Variants in PLXND1 observed in about 807,000 individuals in gnomAD.
PLXND1 encodes plexin-D1.
In PLXND1, 54 loss-of-function variants were observed where a neutral mutation model predicts 197.7. The observed-to-expected ratio is 0.27, with a 90% CI of 0.22 to 0.34. The LOEUF (loss-of-function observed/expected upper bound fraction) is 0.34. Among genes scored for constraint, PLXND1 ranks in the 10% least tolerant of loss-of-function variants. PLXND1 has a pLI of 1.00. For synonymous variants in PLXND1, 1,180 were observed against 1,161.2 expected (o/e 1.02, Z -0.33); for missense variants, 2,127 against 2,699.2 (o/e 0.79, Z 4.70).
chr3:129,561,102 C>T (rs749670359), intron 29 of PLXND1: 30 of 471,724 alleles, frequency 6.4e-5, no homozygotes, highest in Non-Finnish European at 1.1e-4. Context: ...GATGCAGCCA[C>T]GGGGGAGGAG....
intron 8 of PLXND1, among the ~76,000 whole-genome samples, chr3:129,580,220 G>C (rs972830648): frequency 6.8e-6 from 1 of 147,022 alleles, no homozygotes; most frequent in East Asian, 2.2e-4. Flanking sequence ...GACAGGGTCT[G>C]GTGCAGACCT....
intron 27 of PLXND1, among the ~76,000 whole-genome samples, chr3:129,562,239 G>A (rs1424556761): frequency 1.3e-5 from 2 of 151,228 alleles, no homozygotes; most frequent in African/African-American, 2.4e-5. Context: ...CAGGCCCCGC[G>A]CGGTGGCTCA....
rs774479341 is a variant in PLXND1 at position 129,557,727 on chromosome 3, G to A, written c.5446-504C>T. The stretch of plus-strand genomic sequence containing the variant: ...TCGGAGGCAGTACGTGAGTAGTAGT[G>A]GAGCGATGGCATTTTCTCCTTCCCG... On this transcript the variant is annotated intron_variant, in intron 33 of 35. Coordinates refer to ENST00000324093, the MANE Select transcript of PLXND1 (RefSeq NM_015103.3). This position sits in a 1 kb window ranked among gnomAD's most constrained non-coding sequence, Gnocchi z 4.8. Among the ~76,000 whole-genome samples, 6 of 152,198 alleles carry A rather than the reference G, an allele frequency of 3.9e-5. No individual in the cohort carries two copies. The highest frequency in any genetic ancestry group is 5.9e-5 in the Non-Finnish European group (4 of 68,032).
Position 129,572,921 on chromosome 3 carries a change from G to A in PLXND1, c.2858C>T (p.Pro953Leu). 6.2e-7 allele frequency: 1 copy of A among 1,613,468 alleles called. No homozygotes were observed. Reference sequence around the variant, plus strand: ...CACACCTGAGAGTGGTCCTGGGGCTGGCCCTGTGACACACACGATCCTGAG... The same window carrying A: ...CACACCTGAGAGTGGTCCTGGGGCTAGCCCTGTGACACACACGATCCTGAG... Reference protein sequence around the residue: ...VSEEIVCVTGPAPGPLSGVVT... With the variant: ...VSEEIVCVTGLAPGPLSGVVT... Residue 953 changes from proline (P) to leucine (L), a missense_variant, in exon 14 of 36, where the codon CCA becomes CTA. Physicochemically the swap from Pro to Leu is moderately conservative, Grantham distance 98. Coordinates refer to ENST00000324093, the MANE Select transcript of PLXND1 (RefSeq NM_015103.3).
At chr3:129,576,252 C>T (rs937179747) in intron 9 of PLXND1, among the ~76,000 whole-genome samples, 11 of 152,352 alleles carry the variant, frequency 7.2e-5, no homozygotes, top group Middle Eastern at 3.4e-3. Context: ...ACGCCCAACA[C>T]GGCCAGACTC....
chr3:129,602,357 C>G (rs1232045909), intron 1 of PLXND1, among the ~76,000 whole-genome samples: 1 of 152,228 alleles, frequency 6.6e-6, no homozygotes, highest in African/African-American at 2.4e-5. Flanking sequence ...AGCCTGCTCA[C>G]AGCCTTCGCA....
intron 1 of PLXND1, among the ~76,000 whole-genome samples, chr3:129,596,487 A>G (rs781214449): frequency 1.3e-5 from 2 of 152,048 alleles, no homozygotes; most frequent in African/African-American, 2.4e-5. Flanking sequence ...TGGGTCCCAG[A>G]GGAGCACAGT....
chr3:129,600,959 C>T (rs934184471), intron 1 of PLXND1, among the ~76,000 whole-genome samples: 34 of 151,968 alleles, frequency 2.2e-4, no homozygotes, highest in African/African-American at 7.7e-4. Context: ...ATTGGCCTGT[C>T]GGTATTCCTT....
intron 25 of PLXND1, among the ~76,000 whole-genome samples, chr3:129,564,417 G>A (rs984971173): frequency 2.0e-5 from 3 of 152,252 alleles, no homozygotes; most frequent in African/African-American, 4.8e-5. Context: ...AGGCCAAAGC[G>A]GGAGGATTGC....
intron 17 of PLXND1, 25 bp downstream of exon 17, chr3:129,571,483 AC>A: frequency 6.2e-7 from 1 of 1,600,814 alleles, no homozygotes; most frequent in East Asian, 2.2e-5. Context: ...ACCCCCTCCC[AC>A]CCATCAGGCC....
rs1197403884 is a variant in PLXND1 at position 129,562,955 on chromosome 3, G to A, written c.4669-12C>T. 2.5e-6 allele frequency: 4 copies of A among 1,602,738 alleles called. No individual in the cohort carries two copies. The highest frequency in any genetic ancestry group is 2.2e-5 in the East Asian group (1 of 44,504). ...GACACGTTCAGGTTCTGCAGGGGGA[G>A]AGTGGGAGAGAAAGGTCAGTGAGTT... On this transcript the variant is annotated splice_polypyrimidine_tract_variant and intron_variant, in intron 26 of 35. Coordinates refer to ENST00000324093, the MANE Select transcript of PLXND1 (RefSeq NM_015103.3).
At position 129,560,682 on chromosome 3, in the gene PLXND1, C is replaced by T. The variant is rs746385828; in HGVS notation, c.5028+7G>A. On this transcript the variant is annotated splice_region_variant and intron_variant, in intron 30 of 35. Transcript: ENST00000324093. ...TGGATCCCCCGGGGCCGAGGTTGGG[C>T]ACTCACCAAATGGAAATACTTCTCT... The T allele has an allele frequency of 7.5e-6, 12 of 1,601,624 alleles. No individual in the cohort carries two copies. Among genetic ancestry groups the T allele is most frequent in the Non-Finnish European group, 1.0e-5 (12 of 1,168,742 alleles).
rs1479465530 is a variant in PLXND1, at chr3:129,605,311, G to A, written c.1311+18C>T. 1.4e-5 allele frequency: 17 copies of A among 1,192,124 alleles called. No individual in the cohort carries two copies. The highest frequency in any genetic ancestry group is 4.4e-5 in the Admixed American group (1 of 22,966). The allele number at this position is 1,192,124 out of a possible 1,614,324, so 73.8% of individuals were successfully genotyped here. ...CGCCGCCGCCGCCGCCGCCGCCGCCGCCACCGCCCGGGTGTACCTGGATGT... is the reference window on the plus strand; with the variant it reads ...CGCCGCCGCCGCCGCCGCCGCCGCCACCACCGCCCGGGTGTACCTGGATGT... On this transcript the variant is annotated intron_variant, in intron 1 of 35. Coordinates refer to ENST00000324093, the MANE Select transcript of PLXND1 (RefSeq NM_015103.3).
rs768348972 is a variant in PLXND1, at chr3:129,566,001, C to T, written c.4208G>A (p.Arg1403Gln). ...GCTAATTCCCTCTTCCATGTTGGGC[C>T]GGCAGCTCTCAGGAATCTGTGGAAG... Reference protein sequence around the residue: ...LGEWKIPESCRPNMEEGISLF... With the variant: ...LGEWKIPESCQPNMEEGISLF... The change falls in exon 24 of 36, where the codon CGG becomes CAG. Residue 1403 changes from arginine to glutamine, a missense_variant. By Grantham distance (43) the Arg-to-Gln change is conservative. Coordinates refer to ENST00000324093, the MANE Select transcript of PLXND1 (RefSeq NM_015103.3). The T allele has an allele frequency of 1.5e-5, 24 of 1,613,974 alleles. 1 individual carries two copies. The highest frequency in any genetic ancestry group is 1.6e-4 in the Middle Eastern group (1 of 6,084).
At chr3:129,596,020 C>A (rs1250441407) in intron 1 of PLXND1, among the ~76,000 whole-genome samples, 7 of 152,080 alleles carry the variant, frequency 4.6e-5, no homozygotes, top group African/African-American at 1.7e-4. Context: ...GCTCTTACCT[C>A]ACTATGGGAG....
chr3:129,593,076 G>A (rs991358068), intron 1 of PLXND1, among the ~76,000 whole-genome samples: 1 of 152,240 alleles, frequency 6.6e-6, no homozygotes, highest in African/African-American at 2.4e-5. Flanking sequence ...GAGCAGGGAA[G>A]GCTCGGCTAT....
chr3:129,573,475 G>C (rs1395123340), intron 13 of PLXND1, 119 bp downstream of exon 13: 2 of 1,066,652 alleles, frequency 1.9e-6, no homozygotes, highest in African/African-American at 3.1e-5. Context: ...AGGCCACGAA[G>C]CAACAGTCTT....
rs1478701141 is a variant in PLXND1, at chr3:129,583,582, G to A, written c.2226C>T (p.Ala742=). Residue 742 remains alanine (A), a synonymous_variant, in exon 8 of 36, where the codon GCC becomes GCT. Transcript: ENST00000324093. ...CCTGGCTTACCGTGGGGTTTGGTGA[G>A]GCCTCGCACCGAGACTGGTTGGAAA... ...SCVSNQSRCE[A]SPNPTSPQDC... 1 of 1,613,234 alleles carries A rather than the reference G, an allele frequency of 6.2e-7. No homozygotes were observed. The highest frequency in any genetic ancestry group is 8.5e-7 in the Non-Finnish European group (1 of 1,179,470).
In PLXND1 at chr3:129,574,460, G is replaced by C. The variant is rs1349923464; in HGVS notation, c.2561C>G (p.Pro854Arg). The part of the protein sequence containing the change: ...VMVYNCAMGS[P>R]DCSQCLGRED... ...GCGGCCCAGGCACTGGGAACAGTCG[G>C]GGCTGCCCATGGCACAGTTATAGAC... is the stretch of plus-strand genomic sequence containing the variant. The change falls in exon 12 of 36, where the codon CCC (proline) becomes CGC (arginine). Residue 854 changes from proline (P) to arginine (R), a missense_variant. Pro to Arg is a moderately radical substitution (Grantham distance 103, BLOSUM62 -2). Around this residue, in one of 6 missense-constraint regions of PLXND1, gnomAD observed 1,095 missense variants for 1,259.8 expected, o/e 0.87. Transcript: ENST00000324093. 1.9e-6 allele frequency: 3 copies of C among 1,613,008 alleles called. No homozygotes were observed. Among genetic ancestry groups the C allele is most frequent in the Non-Finnish European group, 2.5e-6 (3 of 1,179,946 alleles).
Sources: allele counts gnomAD v4.1 joint callset (sites outside exome capture counted in the v4.1 genomes callset), GRCh38; gene constraint gnomAD v4.1.1; regional missense constraint gnomAD v4.1.1; non-coding constraint Gnocchi (gnomAD v3.1); transcripts MANE v1.5; gene names NCBI Gene and HGNC (gene_info 2026-07-23, HGNC 2026-07-21).